Variants in CCDC116 observed in about 807,000 individuals in gnomAD.
CCDC116 encodes coiled-coil domain containing 116, also known as coiled-coil domain-containing protein 116.
In CCDC116, 24 loss-of-function variants were observed where a neutral mutation model predicts 29.4. That is an observed-to-expected ratio of 0.82 (90% CI 0.59 to 1.15). The LOEUF (loss-of-function observed/expected upper bound fraction) is 1.15. Among genes scored for constraint, CCDC116 ranks in the 50% most tolerant of loss-of-function variants. The probability of loss-of-function intolerance (pLI) is 0.00; values close to 1 mark genes in which losing one functional copy is unlikely to be tolerated. For synonymous variants in CCDC116, 298 were observed against 331.4 expected (o/e 0.90, Z 1.10); for missense variants, 791 against 804.0 (o/e 0.98, Z 0.20).
intron 2 of CCDC116, among the ~76,000 whole-genome samples, 190 bp from the exon 3 acceptor site, chr22:21,633,832 C>T (rs923819891): frequency 7.2e-5 from 11 of 152,198 alleles, no homozygotes; most frequent in African/African-American, 2.7e-4. Flanking sequence ...GGACATTGGA[C>T]CTCAAGAGGG....
chr22:21,634,523 C>G lies in CCDC116; in HGVS notation c.574C>G (p.Leu192Val). Residue 192 changes from leucine to valine, a missense_variant, in exon 3 of 5, where the codon CTG becomes GTG. Transcript: ENST00000292779. Reference protein sequence around the residue: ...GSLPPVRDKLLLEKNLKRLLQ... With the variant: ...GSLPPVRDKLVLEKNLKRLLQ... ...ATTGCCACCTGTGAGGGACAAACTC[C>G]TGCTGGAGAAGAACCTCAAGCGGCT... is the stretch of plus-strand genomic sequence containing the variant. 2 of 1,611,646 alleles carry G rather than the reference C, an allele frequency of 1.2e-6. No homozygotes were observed. The highest frequency in any genetic ancestry group is 1.7e-6 in the Non-Finnish European group (2 of 1,178,040).
Position 21,634,426 on chromosome 22 carries a change from C to G in CCDC116, c.477C>G (p.Asn159Lys), listed in dbSNP as rs1177626891. ...CATCCAGCTCCAGCTCCATGTCCAA[C>G]TGCCATAGCAGCCTCATGGCCGGCT... The part of the protein sequence containing the change: ...NYPSSSSSMS[N>K]CHSSLMAGCL... Residue 159 changes from asparagine to lysine, a missense_variant, in exon 3 of 5, where the codon AAC (asparagine) becomes AAG (lysine). By Grantham distance (94) the Asn-to-Lys change is moderately conservative (BLOSUM62 0). Transcript: ENST00000292779. 6.2e-7 allele frequency: 1 copy of G among 1,614,226 alleles called. No individual in the cohort carries two copies. Among genetic ancestry groups the G allele is most frequent in the Non-Finnish European group, 8.5e-7 (1 of 1,180,040 alleles).
chr22:21,633,269 A>T lies in CCDC116; in HGVS notation c.72+16A>T, dbSNP rs1930629237. ...CAGTGCACGGGTAAGTGTGCCCAGCAGGGCGCCGACCCTTGAGGCCACAAC... is the reference window on the plus strand; with the variant it reads ...CAGTGCACGGGTAAGTGTGCCCAGCTGGGCGCCGACCCTTGAGGCCACAAC... On this transcript the variant is annotated intron_variant, in intron 2 of 4. Transcript: ENST00000292779. 1 of 1,537,820 alleles carries T rather than the reference A, an allele frequency of 6.5e-7. No individual in the cohort carries two copies. Among genetic ancestry groups the T allele is most frequent in the Non-Finnish European group, 8.8e-7 (1 of 1,137,276 alleles).
chr22:21,635,742 C>A (rs1930775598), intron 4 of CCDC116: 1 of 604,192 alleles, frequency 1.7e-6, no homozygotes, highest in South Asian at 2.0e-5. Context: ...GCCCATGAAT[C>A]CTGGCCTAGC....
chr22:21,637,309 C>A lies in CCDC116; in HGVS notation c.*239C>A. ...AGAAATAAAGCCTGTGTTGCTGGGA[C>A]ACAGGTTTGCTGTCCTGAGATTTCA... On this transcript the variant is annotated 3_prime_UTR_variant, in exon 5 of 5. Coordinates refer to ENST00000292779, the MANE Select transcript of CCDC116 (RefSeq NM_152612.3). The A allele has an allele frequency of 2.4e-6, 1 of 422,932 alleles. No homozygotes were observed. The highest frequency in any genetic ancestry group is 4.1e-6 in the Non-Finnish European group (1 of 243,364). 26.2% of individuals were successfully genotyped at this position (422,932 alleles called of 1,614,324 possible).
Position 21,634,969 on chromosome 22 carries a change from C to T in CCDC116, c.906C>T (p.Asn302=), listed in dbSNP as rs2105575. 2,077 of 1,612,612 alleles carry T rather than the reference C, an allele frequency of 1.3e-3. 31 individuals carry two copies. The African/African-American group carries it at 0.026, about 20-fold the overall frequency. ...CPLREPHRTL[N]FLADHRLFPA... ...TCCGTGAGCCCCATCGCACGCTGAA[C>T]TTCCTGGCTGACCACCGCCTCTTCC... Residue 302 remains asparagine, a synonymous_variant, in exon 4 of 5, where the codon AAC becomes AAT. Transcript: ENST00000292779.
Position 21,636,752 on chromosome 22 carries a change from C to A in CCDC116, c.1524C>A (p.Ala508=), listed in dbSNP as rs766880681. 1 of 1,612,916 alleles carries A rather than the reference C, an allele frequency of 6.2e-7. No individual in the cohort carries two copies. Among genetic ancestry groups the A allele is most frequent in the African/African-American group, 1.3e-5 (1 of 75,010 alleles). ...LLRKLEESKR[A]RQASRLSTSH... Reference sequence around the variant, plus strand: ...GTAAACTGGAGGAGTCCAAAAGGGCCCGGCAGGCCTCCCGGCTCAGCACCT... The same window carrying A: ...GTAAACTGGAGGAGTCCAAAAGGGCACGGCAGGCCTCCCGGCTCAGCACCT... The change falls in exon 5 of 5, where the codon GCC becomes GCA. Residue 508 remains alanine (A), a synonymous_variant. Transcript: ENST00000292779.
intron 2 of CCDC116, among the ~76,000 whole-genome samples, chr22:21,633,464 G>C (rs1341150497): frequency 2.0e-5 from 3 of 152,120 alleles, no homozygotes; most frequent in Admixed American, 6.5e-5. Flanking sequence ...GACTTCCAGC[G>C]ACCCAGAAGG....
Position 21,634,675 on chromosome 22 carries a change from C to T in CCDC116, c.622-10C>T. On this transcript the variant is annotated splice_polypyrimidine_tract_variant and intron_variant, in intron 3 of 4. Coordinates refer to ENST00000292779, the MANE Select transcript of CCDC116 (RefSeq NM_152612.3). Reference sequence around the variant, plus strand: ...CCTGAACACTTCACAGAGTCACCCTCTTTCTGCAGAAAGGCCTCAGTCAGT... The same window carrying T: ...CCTGAACACTTCACAGAGTCACCCTTTTTCTGCAGAAAGGCCTCAGTCAGT... 1 of 1,589,194 alleles carries T rather than the reference C, an allele frequency of 6.3e-7. No homozygotes were observed. The highest frequency in any genetic ancestry group is 8.6e-7 in the Non-Finnish European group (1 of 1,165,158).
rs1400781044 is a variant in CCDC116 at position 21,634,305 on chromosome 22, G to A, written c.356G>A (p.Ser119Asn). The A allele has an allele frequency of 1.9e-6, 3 of 1,613,226 alleles. No individual in the cohort carries two copies. Among genetic ancestry groups the A allele is most frequent in the South Asian group, 1.1e-5 (1 of 91,064 alleles). ...GTGCAGGACCCAGTGGAGGTGCCAAGTGGTGGACGGCGGGCACATGCCCGG... is the reference window on the plus strand; with the variant it reads ...GTGCAGGACCCAGTGGAGGTGCCAAATGGTGGACGGCGGGCACATGCCCGG... ...VEVQDPVEVP[S>N]GGRRAHARPS... Residue 119 changes from serine to asparagine, a missense_variant, in exon 3 of 5, where the codon AGT becomes AAT. By Grantham distance (46) the Ser-to-Asn change is conservative (BLOSUM62 1). Transcript: ENST00000292779.
At position 21,637,138 on chromosome 22, in the gene CCDC116, C is replaced by T; in HGVS notation, c.*68C>T. 6.7e-7 allele frequency: 1 copy of T among 1,486,870 alleles called. No individual in the cohort carries two copies. Among genetic ancestry groups the T allele is most frequent in the Non-Finnish European group, 8.9e-7 (1 of 1,117,940 alleles). The allele number at this position is 1,486,870 out of a possible 1,614,324, so 92.1% of individuals were successfully genotyped here. ...GTGGACGTGGGCCACGGTGACCCAC[C>T]ATGAAGTCCCCACTAGCCACTCGAT... On this transcript the variant is annotated 3_prime_UTR_variant, in exon 5 of 5. Transcript: ENST00000292779.
chr22:21,633,656 G>C (rs1323361202), intron 2 of CCDC116, among the ~76,000 whole-genome samples: 1 of 152,236 alleles, frequency 6.6e-6, no homozygotes, highest in Non-Finnish European at 1.5e-5. Context: ...TGCATGGACA[G>C]ATGAGGAGCT....
rs776764287 is a variant in CCDC116, at chr22:21,634,131, G to A, written c.182G>A (p.Arg61His). The A allele has an allele frequency of 5.6e-6, 9 of 1,614,238 alleles. No individual in the cohort carries two copies. Among genetic ancestry groups the A allele is most frequent in the Admixed American group, 3.3e-5 (2 of 60,030 alleles). The stretch of plus-strand genomic sequence containing the variant: ...GGCAGCTCAGCACTCCAGGGCCAAC[G>A]CCGAAACAAGAGGCACCCTCAGCCC... ...TCGSSALQGQ[R>H]RNKRHPQPFG... Residue 61 changes from arginine to histidine, a missense_variant, in exon 3 of 5, where the codon CGC becomes CAC. By Grantham distance (29) the Arg-to-His change is conservative. Transcript: ENST00000292779.
chr22:21,636,896 C>A lies in CCDC116; in HGVS notation c.1668C>A (p.Leu556=). ...LYTNLPASRQ[L]SPLEPKLYMS... ...CCAACTTGCCAGCCAGCCGGCAGCT[C>A]AGCCCTTTGGAGCCCAAGCTCTACA... is the stretch of plus-strand genomic sequence containing the variant. Residue 556 remains leucine (L), a synonymous_variant, in exon 5 of 5, where the codon CTC becomes CTA. Transcript: ENST00000292779. The A allele has an allele frequency of 1.2e-6, 2 of 1,613,784 alleles. No individual in the cohort carries two copies. Among genetic ancestry groups the A allele is most frequent in the Non-Finnish European group, 8.5e-7 (1 of 1,180,040 alleles).
At chr22:21,633,012 G>C (rs1269828538) in intron 1 of CCDC116, 108 bp from the exon 2 acceptor site, 6 of 716,864 alleles carry the variant, frequency 8.4e-6, no homozygotes, top group Non-Finnish European at 1.3e-5. Context: ...AGGAAGGGCT[G>C]GATGCATGAA....
chr22:21,633,312 T>C (rs1346861390), intron 2 of CCDC116, 59 bp downstream of exon 2: 1 of 1,375,410 alleles, frequency 7.3e-7, no homozygotes, highest in Non-Finnish European at 1.0e-6. Context: ...CCACCAACCC[T>C]GGCACCCAAG....
Position 21,635,291 on chromosome 22 carries a change from G to A in CCDC116, c.1203+25G>A, listed in dbSNP as rs780867477. 3.2e-6 allele frequency: 5 copies of A among 1,570,094 alleles called. No individual in the cohort carries two copies. The East Asian group carries it at 6.8e-5, about 21-fold the overall frequency. On this transcript the variant is annotated intron_variant, in intron 4 of 4. Coordinates refer to ENST00000292779, the MANE Select transcript of CCDC116 (RefSeq NM_152612.3). ...GGTGACACCCACGGAGAAGCCCAAT[G>A]TCCCCAGCCCCTCACTCCACTCCAG...
rs752010677 is a variant in CCDC116, at chr22:21,636,579, T to A, written c.1351T>A (p.Tyr451Asn). The A allele has an allele frequency of 1.8e-5, 29 of 1,614,016 alleles. No individual in the cohort carries two copies. The South Asian group carries it at 2.5e-4, about 14-fold the overall frequency. ...GGCAGCCTCCTTGGTCATCCGCAAGTACGAGTTCGAAAAGGACCTCAGTAA... is the reference window on the plus strand; with the variant it reads ...GGCAGCCTCCTTGGTCATCCGCAAGAACGAGTTCGAAAAGGACCTCAGTAA... ...QQAASLVIRK[Y>N]EFEKDLSKQL... Residue 451 changes from tyrosine (Y) to asparagine (N), a missense_variant, in exon 5 of 5, where the codon TAC becomes AAC. Tyr to Asn is a moderately radical substitution (Grantham distance 143). Coordinates refer to ENST00000292779, the MANE Select transcript of CCDC116 (RefSeq NM_152612.3).
chr22:21,634,139 A>G lies in CCDC116; in HGVS notation c.190A>G (p.Lys64Glu), dbSNP rs767313726. Residue 64 changes from lysine to glutamate, a missense_variant, in exon 3 of 5, where the codon AAG becomes GAG. Lys to Glu is a moderately conservative substitution (Grantham distance 56, BLOSUM62 1). Transcript: ENST00000292779. ...AGCACTCCAGGGCCAACGCCGAAAC[A>G]AGAGGCACCCTCAGCCCTTTGGCCA... Reference protein sequence around the residue: ...SSALQGQRRNKRHPQPFGHFL... With the variant: ...SSALQGQRRNERHPQPFGHFL... The G allele has an allele frequency of 1.2e-6, 2 of 1,614,266 alleles. No individual in the cohort carries two copies. The highest frequency in any genetic ancestry group is 8.5e-7 in the Non-Finnish European group (1 of 1,180,052).
Sources: allele counts gnomAD v4.1 joint callset (sites outside exome capture counted in the v4.1 genomes callset), GRCh38; gene constraint gnomAD v4.1.1; transcripts MANE v1.5; gene names NCBI Gene and HGNC (gene_info 2026-07-23, HGNC 2026-07-21).